TECRL: variants seen among roughly 807,000 people sequenced by gnomAD.
TECRL encodes the protein trans-2,3-enoyl-CoA reductase like.
Under a neutral mutation model 52.8 loss-of-function variants are expected in TECRL, and 63 were observed. That is an observed-to-expected ratio of 1.19 (90% CI 0.97 to 1.47). The LOEUF is 1.47. Among genes scored for constraint, TECRL ranks in the 40% most tolerant of loss-of-function variants. The pLI, the probability that TECRL is intolerant of heterozygous loss-of-function variation, is 0.00. For missense variants in TECRL, 482 were observed against 429.6 expected (o/e 1.12, Z -1.08); for synonymous variants, 164 against 141.9 (o/e 1.16, Z -1.10).
intron 2 of TECRL, among the ~76,000 whole-genome samples, chr4:64,341,843 G>A (rs990563609): frequency 3.9e-5 from 6 of 152,208 alleles, no homozygotes; most frequent in Admixed American, 1.3e-4. Flanking sequence ...CAGCCTCACA[G>A]AGAGCTAACA....
chr4:64,334,073 A>C (rs978687084), intron 2 of TECRL, among the ~76,000 whole-genome samples: 2 of 149,552 alleles, frequency 1.3e-5, no homozygotes, highest in Non-Finnish European at 3.0e-5. Flanking sequence ...TGTCCTGTGT[A>C]AATTGCATTG....
Position 64,280,186 on chromosome 4 carries a change from T to C in TECRL, c.978A>G (p.Thr326=). Residue 326 remains threonine (T), a synonymous_variant, in exon 12 of 12, where the codon ACA becomes ACG. Coordinates refer to ENST00000381210, the MANE Select transcript of TECRL (RefSeq NM_001010874.5). ...AAGACATCTGGATACTCATCAGAAG[T>C]GTAAAAATTCCAACTAGAAGAAAAA... The part of the protein sequence containing the change: ...MTQTLPVGIF[T]LLMSIQMSLW... The C allele has an allele frequency of 2.6e-6, 4 of 1,522,168 alleles. No homozygotes were observed. Among genetic ancestry groups the C allele is most frequent in the Non-Finnish European group, 3.5e-6 (4 of 1,137,838 alleles). The allele number at this position is 1,522,168 out of a possible 1,614,324, so 94.3% of individuals were successfully genotyped here. A position where few individuals can be genotyped will look rare whatever the true frequency, so the allele number is the denominator to read the frequency against.
Position 64,305,224 on chromosome 4 carries a change from G to T in TECRL, c.672C>A (p.Tyr224Ter), listed in dbSNP as rs1235854210. 6.2e-7 allele frequency: 1 copy of T among 1,612,586 alleles called. No individual in the cohort carries two copies. Among genetic ancestry groups the T allele is most frequent in the Non-Finnish European group, 8.5e-7 (1 of 1,179,228 alleles). ...AGGCAATCCAAGAAGTAAATCCCCA[G>T]TAAAAGGCACAACTCTGCAAACAAA... ...LKNLIMSCAF[Y>*]WGFTSWIAYY... Residue 224 changes from tyrosine to a stop codon, truncating the protein, a stop_gained, in exon 7 of 12, where the codon TAC becomes TAA. Transcript: ENST00000381210. LOFTEE classifies it high-confidence loss of function.
intron 1 of TECRL, among the ~76,000 whole-genome samples, chr4:64,384,236 G>C (rs189301456): frequency 6.6e-4 from 101 of 152,198 alleles, no homozygotes; most frequent in Non-Finnish European, 1.3e-3. Context: ...TGCTTACAGT[G>C]ACAGTATTCA....
chr4:64,359,398 A>C (rs1721014141), intron 2 of TECRL, among the ~76,000 whole-genome samples: 2 of 152,166 alleles, frequency 1.3e-5, no homozygotes, highest in South Asian at 4.1e-4. Context: ...GGCATATTCA[A>C]ATAGAATAAA....
intron 1 of TECRL, among the ~76,000 whole-genome samples, chr4:64,383,275 A>G (rs1434018960): frequency 1.3e-5 from 2 of 152,086 alleles, no homozygotes; most frequent in Non-Finnish European, 2.9e-5. Flanking sequence ...ATATTTGGGC[A>G]TCTTTAAGCT....
intron 3 of TECRL, among the ~76,000 whole-genome samples, chr4:64,327,391 T>C (rs568610884): frequency 3.9e-5 from 6 of 152,116 alleles, no homozygotes; most frequent in Admixed American, 6.6e-5. Flanking sequence ...CAAATGGAAG[T>C]TACATTTGAC....
chr4:64,291,649 C>A (rs1029161513), intron 8 of TECRL, among the ~76,000 whole-genome samples: 1 of 151,644 alleles, frequency 6.6e-6, no homozygotes, highest in Non-Finnish European at 1.5e-5. Context: ...TTTATCACAA[C>A]AAAACTAAAT....
At chr4:64,338,807 T>A (rs544926675) in intron 2 of TECRL, among the ~76,000 whole-genome samples, 93 of 152,060 alleles carry the variant, frequency 6.1e-4, no homozygotes, top group African/African-American at 2.0e-3. Context: ...GGATGTGGAG[T>A]AATAGGAACA....
At chr4:64,320,413 A>T (rs1348509058) in intron 4 of TECRL, among the ~76,000 whole-genome samples, 8 of 151,936 alleles carry the variant, frequency 5.3e-5, no homozygotes, top group African/African-American at 1.9e-4. Context: ...AATGGGTGTA[A>T]TTGCAATGTA....
intron 2 of TECRL, among the ~76,000 whole-genome samples, chr4:64,334,499 G>A (rs17084662): frequency 0.23 from 35,019 of 151,938 alleles, 4,371 homozygotes; most frequent in East Asian, 0.3. Flanking sequence ...AACTATTTCC[G>A]CTCTCATTCT....
intron 2 of TECRL, among the ~76,000 whole-genome samples, chr4:64,342,372 T>C (rs1445657479): frequency 6.6e-6 from 1 of 152,090 alleles, no homozygotes; most frequent in African/African-American, 2.4e-5. Context: ...GATTTTATAA[T>C]ATTTAAATAG....
intron 1 of TECRL, among the ~76,000 whole-genome samples, chr4:64,379,186 A>G (rs551764649): frequency 1.3e-5 from 2 of 151,896 alleles, no homozygotes; most frequent in East Asian, 3.9e-4. Context: ...TGTAAATTTT[A>G]TTTAGAAGTA....
intron 4 of TECRL, among the ~76,000 whole-genome samples, chr4:64,315,740 C>CAT (rs1477710153): frequency 1.3e-5 from 2 of 151,846 alleles, no homozygotes; most frequent in African/African-American, 4.8e-5. Context: ...TGCATGGTTT[C>CAT]ATATATATTC....
chr4:64,288,158 A>C (rs2109941581), intron 9 of TECRL, among the ~76,000 whole-genome samples: 1 of 152,192 alleles, frequency 6.6e-6, no homozygotes, highest in East Asian at 1.9e-4. Context: ...TTAAAAAAAA[A>C]AAAAAGAAAA....
At chr4:64,326,396 G>A (rs1185133076) in intron 3 of TECRL, among the ~76,000 whole-genome samples, 10 of 151,964 alleles carry the variant, frequency 6.6e-5, no homozygotes, top group Admixed American at 6.6e-4. Context: ...TTCCCCATAT[G>A]CACACCATAT....
chr4:64,350,429 G>A (rs1720301726), intron 2 of TECRL, among the ~76,000 whole-genome samples: 1 of 152,180 alleles, frequency 6.6e-6, no homozygotes, highest in Non-Finnish European at 1.5e-5. Flanking sequence ...CTGATGAATT[G>A]GCTGGGTGAC....
chr4:64,310,547 A>T (rs953916778), intron 5 of TECRL, among the ~76,000 whole-genome samples: 15 of 152,096 alleles, frequency 9.9e-5, no homozygotes, highest in Admixed American at 3.9e-4. Context: ...TATAATTACT[A>T]TCTTAAAAGT....
intron 2 of TECRL, among the ~76,000 whole-genome samples, chr4:64,354,785 T>C (rs538275275): frequency 3.2e-4 from 49 of 152,278 alleles, no homozygotes; most frequent in South Asian, 1.7e-3. Context: ...TTCTAGGCAA[T>C]GTATGTCTAT....
Sources: allele counts gnomAD v4.1 joint callset (sites outside exome capture counted in the v4.1 genomes callset), GRCh38; gene constraint gnomAD v4.1.1; transcripts MANE v1.5; gene names NCBI Gene and HGNC (gene_info 2026-07-23, HGNC 2026-07-21).